TNFSF8: variants seen among roughly 807,000 people sequenced by gnomAD.
The protein encoded by TNFSF8 is tumor necrosis factor ligand superfamily member 8.
TNFSF8 carries 4 observed loss-of-function variants against 22.0 expected under a neutral mutation model. That is an observed-to-expected ratio of 0.18 (90% CI 0.09 to 0.42). The LOEUF (loss-of-function observed/expected upper bound fraction) is 0.42, where lower values mean the gene tolerates loss of function less well. Ranked by LOEUF, TNFSF8 falls within the 10% of genes least tolerant of loss-of-function variation. The pLI, the probability that TNFSF8 is intolerant of heterozygous loss-of-function variation, is 1.00. For synonymous variants in TNFSF8, 106 were observed against 112.5 expected (o/e 0.94, Z 0.37); for missense variants, 233 against 281.8 (o/e 0.83, Z 1.24).
chr9:114,901,292 A>T lies in TNFSF8; in HGVS notation c.*2639T>A. On this transcript the variant is annotated 3_prime_UTR_variant, in exon 4 of 4. Transcript: ENST00000223795. ...ACTTCCTGGGTTGCCTACTCCCTAC[A>T]TATCTATCAGTTGAGTTATTAATGA... 2.0e-6 allele frequency: 2 copies of T among 985,350 alleles called. No individual in the cohort carries two copies. The highest frequency in any genetic ancestry group is 9.4e-5 in the South Asian group (2 of 21,286). 61.0% of individuals were successfully genotyped at this position (985,350 alleles called of 1,614,324 possible).
intron 2 of TNFSF8, among the ~76,000 whole-genome samples, chr9:114,914,006 G>C (rs1372417703): frequency 2.0e-5 from 3 of 152,090 alleles, no homozygotes; most frequent in Non-Finnish European, 4.4e-5. Context: ...AAAGGGCCAG[G>C]GTATATTGAG....
downstream of TNFSF8, among the ~76,000 whole-genome samples, chr9:114,898,277 C>T (rs1476121573): frequency 6.6e-6 from 1 of 152,214 alleles, no homozygotes; most frequent in Admixed American, 6.5e-5. Flanking sequence ...GCTGGGATTA[C>T]AGGCCTGAGC....
chr9:114,903,554 T>G lies in TNFSF8; in HGVS notation c.*377A>C. On this transcript the variant is annotated 3_prime_UTR_variant, in exon 4 of 4. Coordinates refer to ENST00000223795, the MANE Select transcript of TNFSF8 (RefSeq NM_001244.4). ...ACACCCAGCTCCCCTTCATTTCCCA[T>G]TAGGGCAGAGTTGCTAGCTGCTCTG... 2 of 267,124 alleles carry G rather than the reference T, an allele frequency of 7.5e-6. No homozygotes were observed. The highest frequency in any genetic ancestry group is 1.2e-5 in the Non-Finnish European group (2 of 169,490). The allele number at this position is 267,124 out of a possible 1,614,324, so 16.5% of individuals were successfully genotyped here.
At chr9:114,906,724 AAT>A (rs1046143850) in intron 2 of TNFSF8, among the ~76,000 whole-genome samples, 3 of 152,330 alleles carry the variant, frequency 2.0e-5, no homozygotes, top group Admixed American at 6.5e-5. Context: ...AAGAAATAAA[AAT>A]ATTTTTCATA....
rs939528283 is a variant in TNFSF8, at chr9:114,904,216, G to A, written c.420C>T (p.Phe140=). ...NLVIQFPGLY[F]IICQLQFLVQ... ...CAAGAAACTGCAGTTGGCAAATGAT[G>A]AAGTACAAACCAGGGAATTGGATCA... Residue 140 remains phenylalanine, a synonymous_variant, in exon 4 of 4, where the codon TTC becomes TTT. Transcript: ENST00000223795. The A allele has an allele frequency of 6.2e-7, 1 of 1,614,144 alleles. No individual in the cohort carries two copies. Among genetic ancestry groups the A allele is most frequent in the Non-Finnish European group, 8.5e-7 (1 of 1,179,992 alleles).
downstream of TNFSF8, among the ~76,000 whole-genome samples, chr9:114,896,554 C>A (rs1425714107): frequency 6.6e-6 from 1 of 152,164 alleles, no homozygotes; most frequent in African/African-American, 2.4e-5. Context: ...TTCACTATTG[C>A]ACAATGTATA....
At chr9:114,913,032 T>C (rs1014136984) in intron 2 of TNFSF8, among the ~76,000 whole-genome samples, 2 of 152,184 alleles carry the variant, frequency 1.3e-5, no homozygotes, top group African/African-American at 2.4e-5. Flanking sequence ...ATCTGGCTTG[T>C]TCCCCTCACT....
At chr9:114,900,114 C>T (rs1827699755), downstream of TNFSF8, among the ~76,000 whole-genome samples, 1 of 152,162 alleles carries the variant, frequency 6.6e-6, no homozygotes. Context: ...AATTCCTTCT[C>T]AGAATCTCCA....
chr9:114,918,679 G>A (rs1360590616), intron 1 of TNFSF8, among the ~76,000 whole-genome samples: 1 of 152,206 alleles, frequency 6.6e-6, no homozygotes, highest in African/African-American at 2.4e-5. Context: ...TTGGCTCACT[G>A]CAACCTCCGC....
At chr9:114,895,605 A>G (rs892926976) in intron 4 of TNFSF8, among the ~76,000 whole-genome samples, 7 of 152,210 alleles carry the variant, frequency 4.6e-5, no homozygotes, top group Non-Finnish European at 7.3e-5. Flanking sequence ...GACACTGAAT[A>G]TGATAAAATA....
chr9:114,899,441 T>C (rs1375425187), downstream of TNFSF8, among the ~76,000 whole-genome samples: 1 of 151,436 alleles, frequency 6.6e-6, no homozygotes, highest in East Asian at 1.9e-4. Flanking sequence ...ATACTATACA[T>C]TGAGTGACAA....
Position 114,902,738 on chromosome 9 carries a change from C to G in TNFSF8, c.*1193G>C, listed in dbSNP as rs905643568. The G allele has an allele frequency of 5.1e-6, 5 of 985,248 alleles. No individual in the cohort carries two copies. In the African/African-American group the frequency reaches 8.7e-5, roughly 17 times the overall value. The allele number at this position is 985,248 out of a possible 1,614,324, so 61.0% of individuals were successfully genotyped here. A position where few individuals can be genotyped will look rare whatever the true frequency, so the allele number is the denominator to read the frequency against. The stretch of plus-strand genomic sequence containing the variant: ...CAAAATTGTGTCTGGAATCTCAGTT[C>G]CCAGGGTCTGGTCTTCTGAGATGGA... On this transcript the variant is annotated 3_prime_UTR_variant, in exon 4 of 4. Coordinates refer to ENST00000223795, the MANE Select transcript of TNFSF8 (RefSeq NM_001244.4).
At chr9:114,893,731 G>C (rs962717068) in exon 5 of TNFSF8, 1 of 225,130 alleles carries the variant, frequency 4.4e-6, no homozygotes, top group African/African-American at 2.3e-5. Context: ...GGGGTCATAG[G>C]GTAAGATGAC....
chr9:114,917,344 A>G (rs1435500597), intron 2 of TNFSF8, among the ~76,000 whole-genome samples: 1 of 152,196 alleles, frequency 6.6e-6, no homozygotes, highest in Non-Finnish European at 1.5e-5. Context: ...AGATGAGGAC[A>G]TCTTTCTGGG....
intron 1 of TNFSF8, among the ~76,000 whole-genome samples, chr9:114,922,816 G>A (rs1251152112): frequency 6.6e-6 from 1 of 152,158 alleles, no homozygotes; most frequent in African/African-American, 2.4e-5. Flanking sequence ...CACTTTAAAA[G>A]ACTGACCAGC....
intron 2 of TNFSF8, among the ~76,000 whole-genome samples, chr9:114,913,349 A>T (rs1367184251): frequency 6.6e-6 from 1 of 152,222 alleles, no homozygotes; most frequent in Admixed American, 6.5e-5. Context: ...CCCAAGGCAC[A>T]TGACCCTTCA....
intron 1 of TNFSF8, among the ~76,000 whole-genome samples, chr9:114,919,496 C>G (rs1178591446): frequency 6.6e-6 from 1 of 152,134 alleles, no homozygotes; most frequent in African/African-American, 2.4e-5. Flanking sequence ...AAGTTTCACA[C>G]CCTGATTGTC....
At chr9:114,900,638 G>C (rs1474843986), downstream of TNFSF8, among the ~76,000 whole-genome samples, 1 of 152,142 alleles carries the variant, frequency 6.6e-6, no homozygotes, top group Non-Finnish European at 1.5e-5. Flanking sequence ...GTGAGACACA[G>C]GTGGTCTCTA....
In TNFSF8 at chr9:114,903,905, T is replaced by C. The variant is rs367905090; in HGVS notation, c.*26A>G. On this transcript the variant is annotated 3_prime_UTR_variant, in exon 4 of 4. Transcript: ENST00000223795. The stretch of plus-strand genomic sequence containing the variant: ...AATACTGTATGGTAGAGAGGCGCTT[T>C]CTTCCTGAAGGCCAAGAGAAACTGT... The C allele has an allele frequency of 5.7e-6, 9 of 1,581,994 alleles. No individual in the cohort carries two copies. The African/African-American group carries it at 1.1e-4, about 19-fold the overall frequency.
Sources: gnomAD v4.1 joint callset for allele counts (sites outside exome capture counted in the v4.1 genomes callset) on GRCh38, gnomAD v4.1.1 for gene constraint, MANE v1.5 for transcripts, NCBI Gene and HGNC (gene_info 2026-07-23, HGNC 2026-07-21) for gene names.